The following RIMBP2 variants were observed in gnomAD, a reference collection of about 807,000 sequenced individuals.
RIMBP2 encodes the protein RIMS binding protein 2.
In RIMBP2, 48 loss-of-function variants were observed where a neutral mutation model predicts 118.6. The ratio of observed to expected loss-of-function variants is 0.40; its 90% confidence interval spans 0.32 to 0.51. The LOEUF (loss-of-function observed/expected upper bound fraction) is 0.51, where lower values mean the gene tolerates loss of function less well. RIMBP2 is among the 20% of genes least tolerant of loss of function. The pLI is 0.41. For missense variants in RIMBP2, 1,551 were observed against 1,768.3 expected, an observed-to-expected ratio of 0.88 and a Z score of 2.20; for synonymous variants, 762 against 742.9, an observed-to-expected ratio of 1.03 and a Z score of -0.42.
intron 8 of RIMBP2, 102 bp downstream of exon 8, chr12:130,451,093 G>T: frequency 7.7e-7 from 1 of 1,305,942 alleles, no homozygotes; most frequent in Non-Finnish European, 1.1e-6. Flanking sequence ...AAGGAAGACA[G>T]GGAGGAAGAT....
At chr12:130,618,908 G>C (rs954277386) in intron 2 of RIMBP2, among the ~76,000 whole-genome samples, 3 of 152,110 alleles carry the variant, frequency 2.0e-5, no homozygotes, top group Non-Finnish European at 4.4e-5. Flanking sequence ...GATGGAGGGA[G>C]GAAGAGAGGA....
chr12:130,497,935 G>A (rs892081320), intron 4 of RIMBP2, among the ~76,000 whole-genome samples: 8 of 152,156 alleles, frequency 5.3e-5, no homozygotes, highest in Admixed American at 1.3e-4. Context: ...AGGAGATGCC[G>A]GAAATCACCA....
In RIMBP2 at chr12:130,424,917, G is replaced by A. The variant is rs1469054565; in HGVS notation, c.2413-59C>T. 1.3e-5 allele frequency: 13 copies of A among 1,032,036 alleles called. No individual in the cohort carries two copies. The highest frequency in any genetic ancestry group is 1.2e-4 in the African/African-American group (7 of 60,476). 63.9% of individuals were successfully genotyped at this position (1,032,036 alleles called of 1,614,324 possible). A position where few individuals can be genotyped will look rare whatever the true frequency, so the allele number is the denominator to read the frequency against. On this transcript the variant is annotated intron_variant, in intron 15 of 22. Transcript: ENST00000690449. This position sits in a 1 kb window ranked among gnomAD's most constrained non-coding sequence, Gnocchi z 9.8. Reference sequence around the variant, plus strand: ...AAAGAGTGTGTGGTCAGCATGAAGTGGGGGCCAGGGGAGGAAAGAAAATAC... The same window carrying A: ...AAAGAGTGTGTGGTCAGCATGAAGTAGGGGCCAGGGGAGGAAAGAAAATAC...
At chr12:130,627,742 T>G (rs2061730466) in intron 2 of RIMBP2, among the ~76,000 whole-genome samples, 1 of 152,136 alleles carries the variant, frequency 6.6e-6, no homozygotes, top group South Asian at 2.1e-4. Context: ...TCTATCACAA[T>G]GGCTAGCAGG....
chr12:130,594,913 C>G (rs999680791), intron 2 of RIMBP2, among the ~76,000 whole-genome samples: 2 of 152,020 alleles, frequency 1.3e-5, no homozygotes, highest in Non-Finnish European at 2.9e-5. Flanking sequence ...CTATTCTTGC[C>G]GGGGAGTAAT....
At chr12:130,527,336 G>T (rs2052911866) in intron 2 of RIMBP2, among the ~76,000 whole-genome samples, 1 of 152,174 alleles carries the variant, frequency 6.6e-6, no homozygotes, top group South Asian at 2.1e-4. Context: ...GGGTTCTGGG[G>T]GAGGCTGGAG....
At chr12:130,559,680 C>A (rs564009004) in intron 2 of RIMBP2, among the ~76,000 whole-genome samples, 1 of 152,298 alleles carries the variant, frequency 6.6e-6, no homozygotes, top group South Asian at 2.1e-4. Flanking sequence ...CACTGACAGG[C>A]GTACCTAATT....
intron 1 of RIMBP2, among the ~76,000 whole-genome samples, chr12:130,700,787 C>T (rs1482901529): frequency 6.6e-6 from 1 of 152,220 alleles, no homozygotes; most frequent in Non-Finnish European, 1.5e-5. Flanking sequence ...ACTGATCCAA[C>T]CACCCAACAA....
intron 2 of RIMBP2, among the ~76,000 whole-genome samples, chr12:130,526,412 T>C (rs1177129631): frequency 6.6e-6 from 1 of 152,176 alleles, no homozygotes; most frequent in Non-Finnish European, 1.5e-5. Context: ...GCATCAAAGA[T>C]CTTGCAAGAG....
At chr12:130,493,191 T>C (rs1421569721) in intron 4 of RIMBP2, among the ~76,000 whole-genome samples, 1 of 152,198 alleles carries the variant, frequency 6.6e-6, no homozygotes, top group African/African-American at 2.4e-5. Context: ...TTAAGTTTCA[T>C]GTAAATATCA....
chr12:130,706,839 G>A (rs1036998439), intron 1 of RIMBP2, among the ~76,000 whole-genome samples: 4 of 152,094 alleles, frequency 2.6e-5, no homozygotes, highest in African/African-American at 2.4e-5. Context: ...GCAGTGATTC[G>A]GCAGCCGCCA....
rs563233802 is a variant in RIMBP2, at chr12:130,581,958, T to TCAC, written c.-217+46361_-217+46363dup. On this transcript the variant is annotated intron_variant, in intron 2 of 22. Coordinates refer to ENST00000690449, the MANE Select transcript of RIMBP2 (RefSeq NM_001393629.1). The surrounding 1 kb of genome is among the most constrained non-coding windows in gnomAD (Gnocchi z 4.4). ...CCTCCCTGGCTCAGTCACTCTCACT[T>TCAC]CACCACCACCACCACCACCGACCTC... 7.2e-4 allele frequency among the ~76,000 whole-genome samples: 110 copies of TCAC among 152,056 alleles called. No homozygotes were observed. The highest frequency in any genetic ancestry group is 6.8e-3 in the Middle Eastern group (2 of 294).
At chr12:130,629,982 A>AAG (rs2061890782) in intron 1 of RIMBP2, among the ~76,000 whole-genome samples, 1 of 151,424 alleles carries the variant, frequency 6.6e-6, no homozygotes, top group Non-Finnish European at 1.5e-5. Context: ...TTTAAAAAAA[A>AAG]AAAAAAAAAA....
At chr12:130,615,207 CATATTAT>C (rs1191731268) in intron 2 of RIMBP2, among the ~76,000 whole-genome samples, 8 of 137,764 alleles carry the variant, frequency 5.8e-5, no homozygotes, top group Middle Eastern at 3.8e-3. Context: ...ACATATACAT[CATATTAT>C]ATATTATATA....
In RIMBP2 at chr12:130,431,103, T is replaced by C. The variant is rs1407773838; in HGVS notation, c.2254-2766A>G. Among the ~76,000 whole-genome samples, 1 of 152,214 alleles carries C rather than the reference T, an allele frequency of 6.6e-6. No individual in the cohort carries two copies. Among genetic ancestry groups the C allele is most frequent in the East Asian group, 1.9e-4 (1 of 5,196 alleles). ...ACTTAATGAAAATGCTTTTGTAATA[T>C]TGGGAGAATGGAGGTGATTTTTTCA... is the stretch of plus-strand genomic sequence containing the variant. On this transcript the variant is annotated intron_variant, in intron 14 of 22. Coordinates refer to ENST00000690449, the MANE Select transcript of RIMBP2 (RefSeq NM_001393629.1). This position sits in a 1 kb window ranked among gnomAD's most constrained non-coding sequence, Gnocchi z 4.0.
In RIMBP2 at chr12:130,510,662, T is replaced by C. The variant is rs2050820055; in HGVS notation, c.-126-3892A>G. 5.9e-5 allele frequency among the ~76,000 whole-genome samples: 9 copies of C among 151,910 alleles called. No individual in the cohort carries two copies. In the South Asian group the frequency reaches 1.9e-3, roughly 32 times the overall value. On this transcript the variant is annotated intron_variant, in intron 3 of 22. Transcript: ENST00000690449. ...TTTTGCATTTTAAGGAGAGACAAGG[T>C]TTTGTCATGTTGGCCAGGCTGGTCT...
intron 18 of RIMBP2, among the ~76,000 whole-genome samples, chr12:130,413,212 G>A (rs143191663): frequency 3.3e-5 from 5 of 152,264 alleles, no homozygotes; most frequent in African/African-American, 4.8e-5. Context: ...CATTCCGACC[G>A]TTCTCAAATG....
chr12:130,460,669 T>C (rs894954315), intron 6 of RIMBP2, among the ~76,000 whole-genome samples: 1 of 152,098 alleles, frequency 6.6e-6, no homozygotes, highest in Non-Finnish European at 1.5e-5. Flanking sequence ...TTAGTATTAG[T>C]AGCAGCAGCA....
Position 130,436,111 on chromosome 12 carries a change from C to T in RIMBP2, c.2106+731G>A, listed in dbSNP as rs140175759. On this transcript the variant is annotated intron_variant, in intron 13 of 22. Transcript: ENST00000690449. ...TGAGAGCGGGTTCTGGGTGGGGATG[C>T]GGGCACACGTTCTGGCTCCCAGCCC... is the stretch of plus-strand genomic sequence containing the variant. Among the ~76,000 whole-genome samples the T allele has an allele frequency of 2.1e-3, 314 of 152,304 alleles. 3 individuals are homozygous for T. Among genetic ancestry groups the T allele is most frequent in the African/African-American group, 7.4e-3 (309 of 41,576 alleles).
Sources: allele counts gnomAD v4.1 joint callset (sites outside exome capture counted in the v4.1 genomes callset), GRCh38; gene constraint gnomAD v4.1.1; non-coding constraint Gnocchi (gnomAD v3.1); transcripts MANE v1.5; gene names NCBI Gene and HGNC (gene_info 2026-07-23, HGNC 2026-07-21).